Variants in SLC16A10 observed in about 807,000 individuals in gnomAD.
SLC16A10 encodes solute carrier family 16 member 10, also known as monocarboxylate transporter 10.
SLC16A10 carries 27 observed loss-of-function variants against 40.0 expected under a neutral mutation model. The ratio of observed to expected loss-of-function variants is 0.67; its 90% CI spans 0.50 to 0.93. The LOEUF is 0.93. SLC16A10 is among the 40% of genes least tolerant of loss of function. The pLI is 0.00. For synonymous variants in SLC16A10, 213 were observed against 249.8 expected, an observed-to-expected ratio of 0.85 and a Z score of 1.39; for missense variants, 529 against 658.2, an observed-to-expected ratio of 0.80 and a Z score of 2.15.
intron 1 of SLC16A10, among the ~76,000 whole-genome samples, chr6:111,088,831 G>T (rs534812396): frequency 1.5e-4 from 23 of 152,132 alleles, no homozygotes; most frequent in Non-Finnish European, 2.5e-4. Flanking sequence ...TTTTCTCCCT[G>T]TAGAGCATTA....
chr6:111,132,485 A>G (rs945193777), intron 1 of SLC16A10, among the ~76,000 whole-genome samples: 1 of 152,238 alleles, frequency 6.6e-6, no homozygotes, highest in African/African-American at 2.4e-5. Context: ...TAACACGTGG[A>G]TGGGCCAAAG....
chr6:111,178,753 C>G, intron 3 of SLC16A10: 1 of 197,996 alleles, frequency 5.1e-6, no homozygotes. Flanking sequence ...AGCTTACAGT[C>G]TACTTTTGGA....
At position 111,224,352 on chromosome 6, in the gene SLC16A10, T is replaced by C. The variant is rs1338809091; in HGVS notation, c.*2117T>C. ...GAAAGTAATTTAAAAATGAAAACTTTACTCTGTAAAGACCTCTACAGTGTT... is the reference window on the plus strand; with the variant it reads ...GAAAGTAATTTAAAAATGAAAACTTCACTCTGTAAAGACCTCTACAGTGTT... On this transcript the variant is annotated 3_prime_UTR_variant, in exon 6 of 6. Transcript: ENST00000368851. 6 of 152,232 alleles carry C rather than the reference T, an allele frequency of 3.9e-5. No individual in the cohort carries two copies. Among genetic ancestry groups the C allele is most frequent in the Non-Finnish European group, 5.9e-5 (4 of 68,046 alleles). The allele number at this position is 152,232 out of a possible 1,614,324, so 9.4% of individuals were successfully genotyped here.
intron 2 of SLC16A10, among the ~76,000 whole-genome samples, chr6:111,176,006 T>A (rs1041332384): frequency 2.6e-5 from 4 of 152,174 alleles, no homozygotes; most frequent in Admixed American, 2.0e-4. Flanking sequence ...AGGACCAGAT[T>A]TTTAATATTC....
intron 1 of SLC16A10, among the ~76,000 whole-genome samples, chr6:111,101,465 A>G (rs1464249412): frequency 6.6e-6 from 1 of 152,174 alleles, no homozygotes; most frequent in Non-Finnish European, 1.5e-5. Flanking sequence ...AATCAAATAC[A>G]TTAACATTTC....
At chr6:111,206,924 G>T (rs1263812077) in intron 4 of SLC16A10, among the ~76,000 whole-genome samples, 189 bp downstream of exon 4, 1 of 152,070 alleles carries the variant, frequency 6.6e-6, no homozygotes, top group Non-Finnish European at 1.5e-5. Flanking sequence ...CACCTCCCGG[G>T]TTCAAGGGAT....
At chr6:111,128,921 TATTTTTTCA>T (rs746712801) in intron 1 of SLC16A10, among the ~76,000 whole-genome samples, 13,303 of 148,956 alleles carry the variant, frequency 0.089, 850 homozygotes, top group Middle Eastern at 0.15. Flanking sequence ...TTCAATTGTT[TATTTTTTCA>T]TATTCAAAAA....
chr6:111,114,036 C>T (rs1239191196), intron 1 of SLC16A10, among the ~76,000 whole-genome samples: 1 of 152,206 alleles, frequency 6.6e-6, no homozygotes, highest in Non-Finnish European at 1.5e-5. Context: ...TCTGCTGTTC[C>T]CAGCTACATA....
chr6:111,212,590 C>G (rs1186048318), intron 4 of SLC16A10, among the ~76,000 whole-genome samples: 3 of 152,030 alleles, frequency 2.0e-5, no homozygotes, highest in Admixed American at 6.5e-5. Flanking sequence ...CCCAGGAATG[C>G]AAGACCAGCC....
At chr6:111,182,000 T>C (rs982488158) in intron 3 of SLC16A10, among the ~76,000 whole-genome samples, 7 of 152,068 alleles carry the variant, frequency 4.6e-5, no homozygotes, top group African/African-American at 1.4e-4. Context: ...GTTTTGTTTT[T>C]GTTTTCGTTT....
chr6:111,140,024 G>C (rs1187611078), intron 1 of SLC16A10, among the ~76,000 whole-genome samples: 1 of 152,182 alleles, frequency 6.6e-6, no homozygotes, highest in East Asian at 1.9e-4. Context: ...AGTGGGAAGA[G>C]GGAGAGGAGC....
intron 1 of SLC16A10, among the ~76,000 whole-genome samples, chr6:111,167,645 T>TTG (rs567857857): frequency 0.1 from 15,294 of 149,150 alleles, 892 homozygotes; most frequent in Non-Finnish European, 0.14. Context: ...TATTTATTTA[T>TTG]TGTGTGTGTG....
chr6:111,177,716 A>AT, intron 3 of SLC16A10, 51 bp downstream of exon 3: 1 of 1,428,572 alleles, frequency 7.0e-7, no homozygotes, highest in Non-Finnish European at 9.3e-7. Flanking sequence ...ATAAAGAAAA[A>AT]CTTCTTTGAA....
At chr6:111,205,685 TAAG>T (rs755072844) in intron 3 of SLC16A10, among the ~76,000 whole-genome samples, 37 of 152,224 alleles carry the variant, frequency 2.4e-4, no homozygotes, top group Non-Finnish European at 3.5e-4. Flanking sequence ...ACAAGGCTGA[TAAG>T]AACAGAACCA....
intron 1 of SLC16A10, among the ~76,000 whole-genome samples, chr6:111,156,485 C>T (rs932348953): frequency 3.3e-5 from 5 of 152,150 alleles, no homozygotes; most frequent in Non-Finnish European, 5.9e-5. Flanking sequence ...TTTGTGTAGT[C>T]GTGCTTCCAA....
Position 111,108,176 on chromosome 6 carries a change from T to C in SLC16A10, c.343+20081T>C, listed in dbSNP as rs1771318443. Among the ~76,000 whole-genome samples, 7 of 152,146 alleles carry C rather than the reference T, an allele frequency of 4.6e-5. 1 individual carries two copies. In the South Asian group the frequency reaches 1.5e-3, roughly 32 times the overall value. On this transcript the variant is annotated intron_variant, in intron 1 of 5. Transcript: ENST00000368851. ...CTGGGATTACAGGCGTGATCCACCATGTCCAGCTATTTTTTGTATTTTTAG... is the reference window on the plus strand; with the variant it reads ...CTGGGATTACAGGCGTGATCCACCACGTCCAGCTATTTTTTGTATTTTTAG...
chr6:111,174,518 T>TA (rs752769454), intron 2 of SLC16A10, among the ~76,000 whole-genome samples: 27 of 152,312 alleles, frequency 1.8e-4, no homozygotes, highest in Non-Finnish European at 3.4e-4. Flanking sequence ...AAAGTACCTT[T>TA]ATGGGTTTTT....
chr6:111,186,668 A>G (rs143324632), intron 3 of SLC16A10, among the ~76,000 whole-genome samples: 4 of 152,286 alleles, frequency 2.6e-5, no homozygotes, highest in South Asian at 2.1e-4. Flanking sequence ...TTATGTATTC[A>G]TGCTATCAGG....
At chr6:111,113,538 C>T (rs548428831) in intron 1 of SLC16A10, among the ~76,000 whole-genome samples, 1 of 152,074 alleles carries the variant, frequency 6.6e-6, no homozygotes. Flanking sequence ...TTTGAGGAAC[C>T]AGTAATAGAA....
Sources: allele counts gnomAD v4.1 joint callset (sites outside exome capture counted in the v4.1 genomes callset), GRCh38; gene constraint gnomAD v4.1.1; transcripts MANE v1.5; gene names NCBI Gene and HGNC (gene_info 2026-07-23, HGNC 2026-07-21).